Variants in ZFAT observed in about 807,000 individuals in gnomAD.
ZFAT encodes zinc finger and AT-hook domain containing, also known as zinc finger protein ZFAT.
ZFAT carries 64 observed loss-of-function variants against 117.7 expected under a neutral mutation model. That is an observed-to-expected ratio of 0.54 (90% CI 0.44 to 0.67). The LOEUF (loss-of-function observed/expected upper bound fraction) is 0.67. Ranked by LOEUF, ZFAT falls within the 30% of genes least tolerant of loss-of-function variation. The pLI is 0.00. For missense variants in ZFAT, 1,433 were observed against 1,584.5 expected (o/e 0.90, Z 1.62); for synonymous variants, 679 against 615.0 (o/e 1.10, Z -1.54).
intron 7 of ZFAT, chr8:134,597,971 A>C (rs1302861440): frequency 6.6e-6 from 1 of 152,282 alleles, no homozygotes; most frequent in Non-Finnish European, 1.5e-5. Flanking sequence ...ATAAAGCACA[A>C]CTGCCACTTA....
At chr8:134,680,662 T>C (rs1264138506) in intron 1 of ZFAT, among the ~76,000 whole-genome samples, 4 of 152,116 alleles carry the variant, frequency 2.6e-5, no homozygotes, top group African/African-American at 7.2e-5. Flanking sequence ...GGCACCAATT[T>C]CTTGGTTTAA....
chr8:134,825,870 A>T, the ZFAT span, among the ~76,000 whole-genome samples: 1 of 152,042 alleles, frequency 6.6e-6, no homozygotes, highest in African/African-American at 2.4e-5. Context: ...AATACAAAAA[A>T]ATTAGCCGGG....
At chr8:134,644,497 C>G (rs1379395776) in intron 2 of ZFAT, among the ~76,000 whole-genome samples, 1 of 151,982 alleles carries the variant, frequency 6.6e-6, no homozygotes, top group Non-Finnish European at 1.5e-5. Flanking sequence ...CACACATATC[C>G]ATATACACAA....
chr8:134,750,667 G>A, the ZFAT span, among the ~76,000 whole-genome samples: 2 of 152,212 alleles, frequency 1.3e-5, no homozygotes, highest in Admixed American at 1.3e-4. Context: ...TCAGGAGGCT[G>A]AGGTGAGAGG....
chr8:134,760,751 A>C, the ZFAT span, among the ~76,000 whole-genome samples: 1 of 152,224 alleles, frequency 6.6e-6, no homozygotes, highest in Non-Finnish European at 1.5e-5. Context: ...TTCCAGGGAT[A>C]CTTTTCAAAA....
At chr8:134,791,458 T>G in the ZFAT span, among the ~76,000 whole-genome samples, 1 of 152,336 alleles carries the variant, frequency 6.6e-6, no homozygotes, top group East Asian at 1.9e-4. Context: ...TACCTTCAGC[T>G]GCTGAGTTCA....
intron 12 of ZFAT, among the ~76,000 whole-genome samples, chr8:134,532,632 T>C (rs892024521): frequency 6.6e-6 from 1 of 152,244 alleles, no homozygotes; most frequent in Non-Finnish European, 1.5e-5. Flanking sequence ...ACTAAGGTTG[T>C]TGTCATATTA....
the ZFAT span, among the ~76,000 whole-genome samples, chr8:134,750,092 A>G: frequency 6.6e-6 from 1 of 152,234 alleles, no homozygotes; most frequent in Non-Finnish European, 1.5e-5. Context: ...CATTTTAAAA[A>G]TATTCATTTT....
the ZFAT span, chr8:134,792,548 GTATC>G: frequency 6.6e-6 from 1 of 152,146 alleles, no homozygotes; most frequent in Non-Finnish European, 1.5e-5. Context: ...GTAAACAACT[GTATC>G]TATGTGATTT....
At chr8:134,814,399 A>T in the ZFAT span, among the ~76,000 whole-genome samples, 1 of 152,236 alleles carries the variant, frequency 6.6e-6, no homozygotes, top group African/African-American at 2.4e-5. Flanking sequence ...AACTATTCTT[A>T]TATTAGTCTC....
At chr8:134,578,112 T>A (rs1407158003) in intron 10 of ZFAT, among the ~76,000 whole-genome samples, 1 of 151,650 alleles carries the variant, frequency 6.6e-6, no homozygotes, top group Non-Finnish European at 1.5e-5. Context: ...CTGGCAGGTG[T>A]GAGGAACAAG....
chr8:134,634,776 A>G (rs1867059), intron 3 of ZFAT, among the ~76,000 whole-genome samples: 110,227 of 152,006 alleles, frequency 0.73, 40,315 homozygotes, highest in East Asian at 0.91. Context: ...TTGAACATGC[A>G]GGGAGAAAGA....
At chr8:134,479,037 T>A (rs1041989744) in intron 15 of ZFAT, among the ~76,000 whole-genome samples, 8 of 152,136 alleles carry the variant, frequency 5.3e-5, no homozygotes, top group African/African-American at 1.9e-4. Context: ...TGGGGTTACC[T>A]AGAGAATGAG....
intron 1 of ZFAT, among the ~76,000 whole-genome samples, chr8:134,683,625 G>C (rs1009142252): frequency 6.6e-6 from 1 of 152,166 alleles, no homozygotes; most frequent in Admixed American, 6.5e-5. Context: ...AGAGCCTTGA[G>C]TGTGGAAAGA....
intron 3 of ZFAT, among the ~76,000 whole-genome samples, chr8:134,616,190 C>T (rs999823353): frequency 1.3e-5 from 2 of 152,236 alleles, no homozygotes; most frequent in Non-Finnish European, 2.9e-5. Flanking sequence ...GCTCTCTCAA[C>T]AGCCACATGA....
At chr8:134,715,922 T>C (rs1814206504), upstream of ZFAT, among the ~76,000 whole-genome samples, 1 of 152,188 alleles carries the variant, frequency 6.6e-6, no homozygotes, top group Admixed American at 6.6e-5. Flanking sequence ...CAGGATGCTT[T>C]CTTGAAAGAA....
intron 11 of ZFAT, among the ~76,000 whole-genome samples, chr8:134,562,630 T>C (rs1033731022): frequency 1.3e-5 from 2 of 152,096 alleles, no homozygotes; most frequent in Non-Finnish European, 2.9e-5. Flanking sequence ...TACCACTCAA[T>C]AGGGAGGAAG....
chr8:134,607,468 A>G (rs929710235), intron 5 of ZFAT, among the ~76,000 whole-genome samples: 6 of 152,248 alleles, frequency 3.9e-5, no homozygotes, highest in Non-Finnish European at 8.8e-5. Context: ...CAGTCTTAAA[A>G]TTGTGCAACA....
intron 1 of ZFAT, among the ~76,000 whole-genome samples, chr8:134,659,630 C>A (rs550355948): frequency 6.6e-6 from 1 of 152,168 alleles, no homozygotes; most frequent in East Asian, 1.9e-4. Flanking sequence ...ATCAATTCTT[C>A]CCTCTGTACT....
Sources: allele counts gnomAD v4.1 joint callset (sites outside exome capture counted in the v4.1 genomes callset), GRCh38; gene constraint gnomAD v4.1.1; transcripts MANE v1.5; gene names NCBI Gene and HGNC (gene_info 2026-07-23, HGNC 2026-07-21).